Variants in FMN2 observed in about 807,000 individuals in gnomAD.
The protein encoded by FMN2 is formin-2.
In FMN2, 51 loss-of-function variants were observed where a neutral mutation model predicts 142.3. The ratio of observed to expected loss-of-function variants is 0.36; its 90% CI spans 0.29 to 0.45. The LOEUF is 0.45. FMN2 is among the 20% of genes least tolerant of loss of function. The probability of loss-of-function intolerance (pLI) is 1.00; values close to 1 mark genes in which losing one functional copy is unlikely to be tolerated. For missense variants in FMN2, 1,936 were observed against 2,122.8 expected (o/e 0.91, Z 1.73); for synonymous variants, 882 against 869.8 (o/e 1.01, Z -0.25).
intron 4 of FMN2, among the ~76,000 whole-genome samples, chr1:240,196,962 T>A (rs1665934257): frequency 1.3e-5 from 2 of 152,200 alleles, no homozygotes; most frequent in Admixed American, 6.5e-5. Flanking sequence ...AATTGCCATC[T>A]CCTGGCATAC....
chr1:240,346,459 C>A (rs1671910788), intron 13 of FMN2, among the ~76,000 whole-genome samples: 1 of 152,032 alleles, frequency 6.6e-6, no homozygotes, highest in Non-Finnish European at 1.5e-5. Context: ...GAAGCGAACC[C>A]ATGGATAAGG....
intron 15 of FMN2, among the ~76,000 whole-genome samples, chr1:240,403,073 G>A (rs9287234): frequency 0.83 from 125,974 of 152,182 alleles, 52,207 homozygotes; most frequent in Middle Eastern, 0.87. Context: ...TGAATGTAAA[G>A]TTTGAATTCT....
chr1:240,204,707 C>T (rs778893092), intron 4 of FMN2, among the ~76,000 whole-genome samples: 9 of 152,166 alleles, frequency 5.9e-5, no homozygotes, highest in South Asian at 4.1e-4. Flanking sequence ...GCTCAGATCA[C>T]GCTATTGCAC....
At chr1:240,222,548 TG>T (rs1667159936) in intron 6 of FMN2, among the ~76,000 whole-genome samples, 2 of 152,070 alleles carry the variant, frequency 1.3e-5, no homozygotes, top group Non-Finnish European at 1.5e-5. Flanking sequence ...GGTAGCTTGA[TG>T]GGGGTAGCAT....
intron 14 of FMN2, among the ~76,000 whole-genome samples, chr1:240,387,905 C>T (rs986144669): frequency 4.6e-5 from 7 of 152,004 alleles, no homozygotes; most frequent in Non-Finnish European, 7.4e-5. Context: ...CGGCCAGGCA[C>T]GGTGGCTCAT....
At chr1:240,266,129 C>G (rs544852029) in intron 7 of FMN2, among the ~76,000 whole-genome samples, 1 of 150,958 alleles carries the variant, frequency 6.6e-6, no homozygotes, top group Admixed American at 6.6e-5. Flanking sequence ...TTGATTGATC[C>G]TCTCACCCAG....
intron 7 of FMN2, among the ~76,000 whole-genome samples, chr1:240,277,778 G>A (rs915765160): frequency 4.6e-5 from 7 of 151,794 alleles, no homozygotes; most frequent in Non-Finnish European, 7.4e-5. Context: ...CAAGTGATCC[G>A]CCCGTCTTGG....
Position 240,208,583 on chromosome 1 carries a change from A to G in FMN2, c.3771A>G (p.Pro1257=), listed in dbSNP as rs1666545190. The change falls in exon 5 of 18, where the codon CCA becomes CCG. Residue 1257 remains proline (P), a synonymous_variant. Transcript: ENST00000319653. ...TTGGGAGTAGCACTTTACCAACCCCACAGGTGTGTGGATTTCTTCCTCCTC... is the reference window on the plus strand; with the variant it reads ...TTGGGAGTAGCACTTTACCAACCCCGCAGGTGTGTGGATTTCTTCCTCCTC... ...PQVGSSTLPT[P]QVCGFLPPPL... The G allele has an allele frequency of 1.9e-6, 3 of 1,613,276 alleles. No homozygotes were observed. Among genetic ancestry groups the G allele is most frequent in the Non-Finnish European group, 2.5e-6 (3 of 1,179,908 alleles).
At chr1:240,416,866 A>G (rs1441847647) in intron 15 of FMN2, among the ~76,000 whole-genome samples, 2 of 151,312 alleles carry the variant, frequency 1.3e-5, no homozygotes, top group Admixed American at 6.6e-5. Flanking sequence ...TGTCCGTTGT[A>G]TGAATAGTTC....
At chr1:240,427,103 C>T (rs1674968238) in intron 15 of FMN2, among the ~76,000 whole-genome samples, 1 of 151,650 alleles carries the variant, frequency 6.6e-6, no homozygotes, top group African/African-American at 2.4e-5. Flanking sequence ...AATGATTAGG[C>T]CCTAATATCA....
intron 4 of FMN2, among the ~76,000 whole-genome samples, chr1:240,204,096 A>G (rs531274857): frequency 6.6e-6 from 1 of 152,204 alleles, no homozygotes; most frequent in African/African-American, 2.4e-5. Flanking sequence ...TGAAAAGTCA[A>G]TTATTTTTCA....
chr1:240,159,454 C>T (rs995763634), intron 2 of FMN2, among the ~76,000 whole-genome samples: 2 of 152,076 alleles, frequency 1.3e-5, no homozygotes. Context: ...AAACCTGAGC[C>T]GTCACATCTC....
chr1:240,333,596 A>G (rs1189870256), intron 11 of FMN2, among the ~76,000 whole-genome samples: 1 of 152,150 alleles, frequency 6.6e-6, no homozygotes, highest in Non-Finnish European at 1.5e-5. Context: ...AATAAAATAT[A>G]CAAGACATGA....
intron 6 of FMN2, among the ~76,000 whole-genome samples, chr1:240,233,863 G>A (rs1228815060): frequency 1.3e-5 from 2 of 151,994 alleles, no homozygotes; most frequent in Non-Finnish European, 1.5e-5. Flanking sequence ...AAGCAAAATA[G>A]CCCATTTTAG....
chr1:240,151,610 T>G (rs556762905), intron 2 of FMN2, among the ~76,000 whole-genome samples: 213 of 152,220 alleles, frequency 1.4e-3, no homozygotes, highest in Middle Eastern at 0.01. Flanking sequence ...GTATTTCTTT[T>G]TGCTTAAGAA....
At chr1:240,329,307 T>G in intron 9 of FMN2, 32 bp from the exon 10 acceptor site, 1 of 1,607,466 alleles carries the variant, frequency 6.2e-7, no homozygotes, top group Non-Finnish European at 8.5e-7. Flanking sequence ...GTGAATTATA[T>G]TTTTCTTCTT....
chr1:240,343,489 G>A (rs571042439), intron 13 of FMN2, among the ~76,000 whole-genome samples: 3 of 152,264 alleles, frequency 2.0e-5, no homozygotes, highest in East Asian at 1.9e-4. Flanking sequence ...TTCAGGGAAG[G>A]TTGATAAGCC....
chr1:240,170,454 C>A, intron 2 of FMN2: 1 of 1,357,736 alleles, frequency 7.4e-7, no homozygotes, highest in Non-Finnish European at 1.1e-6. Context: ...TTTTACATCC[C>A]ACAGTGTGGA....
At chr1:240,463,395 G>A (rs2103232595) in intron 16 of FMN2, among the ~76,000 whole-genome samples, 1 of 152,306 alleles carries the variant, frequency 6.6e-6, no homozygotes, top group Non-Finnish European at 1.5e-5. Context: ...GTTTTGAATG[G>A]TTATGCTCTT....
Sources: gnomAD v4.1 joint callset for allele counts (sites outside exome capture counted in the v4.1 genomes callset) on GRCh38, gnomAD v4.1.1 for gene constraint, MANE v1.5 for transcripts, NCBI Gene and HGNC (gene_info 2026-07-23, HGNC 2026-07-21) for gene names.